The following ASB14 variants were observed in gnomAD, a reference collection of about 807,000 sequenced individuals.
ASB14 encodes ankyrin repeat and SOCS box containing 14, also known as ankyrin repeat and SOCS box protein 14.
A neutral mutation model predicts 55.6 loss-of-function variants in ASB14; 63 were observed. The observed-to-expected ratio is 1.13, with a 90% CI of 0.92 to 1.40. ASB14 has a LOEUF of 1.40. Among genes scored for constraint, ASB14 ranks in the 40% most tolerant of loss-of-function variants. The probability of loss-of-function intolerance (pLI) is 0.00; values close to 1 mark genes in which losing one functional copy is unlikely to be tolerated. For synonymous variants in ASB14, 256 were observed against 259.9 expected (o/e 0.98, Z 0.15); for missense variants, 724 against 710.4 (o/e 1.02, Z -0.22).
chr3:57,287,799 G>T, intron 5 of ASB14, 102 bp downstream of exon 5: 1 of 1,263,298 alleles, frequency 7.9e-7, no homozygotes, highest in Non-Finnish European at 1.1e-6. Context: ...TGGGAACAGA[G>T]TGACAGTGCT....
intron 3 of ASB14, among the ~76,000 whole-genome samples, chr3:57,288,581 A>G (rs1358384079): frequency 6.6e-6 from 1 of 152,064 alleles, no homozygotes; most frequent in Non-Finnish European, 1.5e-5. Context: ...AGAAAAGCCT[A>G]CATCAGACTC....
At position 57,283,127 on chromosome 3, in the gene ASB14, C is replaced by G. The variant is rs1339400304; in HGVS notation, c.715+67G>C. ...TAACTTTTATTATTTTGAAGCTCTCCATTAAGAGGAGAACCCCTGGATCAT... is the reference window on the plus strand; with the variant it reads ...TAACTTTTATTATTTTGAAGCTCTCGATTAAGAGGAGAACCCCTGGATCAT... On this transcript the variant is annotated intron_variant, in intron 6 of 10. Coordinates refer to ENST00000487349, the MANE Select transcript of ASB14 (RefSeq NM_001142733.3). 5 of 1,515,544 alleles carry G rather than the reference C, an allele frequency of 3.3e-6. No homozygotes were observed. The East Asian group carries it at 9.9e-5, about 30-fold the overall frequency. 93.9% of individuals were successfully genotyped at this position (1,515,544 alleles called of 1,614,324 possible).
rs1449691979 is a variant in ASB14 at position 57,288,259 on chromosome 3, GTT to G, written c.204_205del (p.Leu68PhefsTer9). On this transcript the variant is annotated frameshift_variant, in exon 4 of 11. Coordinates refer to ENST00000487349, the MANE Select transcript of ASB14 (RefSeq NM_001142733.3). LOFTEE classifies it high-confidence loss of function. ...TTCACCAAATGCGGAATGGTACTTG[GTT>G]AAGTGTGACAATGCATCTTCCTTAC... 1 of 1,537,084 alleles carries G rather than the reference GTT, an allele frequency of 6.5e-7. No individual in the cohort carries two copies. The highest frequency in any genetic ancestry group is 2.4e-5 in the East Asian group (1 of 40,924).
intron 5 of ASB14, among the ~76,000 whole-genome samples, chr3:57,286,468 A>G (rs1228524061): frequency 6.8e-6 from 1 of 146,072 alleles, no homozygotes; most frequent in Non-Finnish European, 1.6e-5. Context: ...TTCTGCATTT[A>G]TAGTATGAAC....
intron 5 of ASB14, among the ~76,000 whole-genome samples, chr3:57,283,855 AAAACAG>A: frequency 6.6e-6 from 1 of 152,004 alleles, no homozygotes. Flanking sequence ...AACAAAAACA[AAAACAG>A]AATCTACCCC....
chr3:57,287,979 C>G lies in ASB14; in HGVS notation c.391G>C (p.Glu131Gln), dbSNP rs1007724107. The change falls in exon 5 of 11, where the codon GAA becomes CAA. Residue 131 changes from glutamate to glutamine, a missense_variant. Glu to Gln is a conservative substitution (Grantham distance 29, BLOSUM62 2). Coordinates refer to ENST00000487349, the MANE Select transcript of ASB14 (RefSeq NM_001142733.3). ...TTGAGAAGAAGAAAAGTGGCATTTT[C>G]TAAGAGGCAACTGCTGACAGCCAAA... ...LFLAVSSCLLENATFLLLNGC... is the reference protein window; with the variant it reads ...LFLAVSSCLLQNATFLLLNGC... 2.6e-6 allele frequency: 4 copies of G among 1,537,168 alleles called. No individual in the cohort carries two copies. The African/African-American group carries it at 5.5e-5, about 21-fold the overall frequency.
At chr3:57,275,545 GTC>G (rs1302989422) in intron 10 of ASB14, among the ~76,000 whole-genome samples, 3 of 152,016 alleles carry the variant, frequency 2.0e-5, no homozygotes, top group East Asian at 3.9e-4. Flanking sequence ...ACATGATGAA[GTC>G]TCTCACCATC....
chr3:57,280,362 T>C lies in ASB14; in HGVS notation c.827A>G (p.Asn276Ser). 6.4e-7 allele frequency: 1 copy of C among 1,551,292 alleles called. No homozygotes were observed. Among genetic ancestry groups the C allele is most frequent in the East Asian group, 2.4e-5 (1 of 40,906 alleles). ...CAGGTGGCCTGAATTCTTAGGGATG[T>C]TGGCATCAGCTCCATACTCCAGCAA... ...ALLLEYGADA[N>S]IPKNSGHLPI... The change falls in exon 7 of 11, where the codon AAC becomes AGC. Residue 276 changes from asparagine (N) to serine (S), a missense_variant. Coordinates refer to ENST00000487349, the MANE Select transcript of ASB14 (RefSeq NM_001142733.3).
At chr3:57,290,955 G>T (rs967012312) in intron 2 of ASB14, among the ~76,000 whole-genome samples, 1 of 152,186 alleles carries the variant, frequency 6.6e-6, no homozygotes, top group African/African-American at 2.4e-5. Flanking sequence ...GAATCAGACT[G>T]CCTTGCTCTT....
chr3:57,287,750 G>A (rs1476355689), intron 5 of ASB14, 151 bp downstream of exon 5: 1 of 865,202 alleles, frequency 1.2e-6, no homozygotes, highest in East Asian at 2.7e-5. Context: ...GCCAGCCTAT[G>A]GAAAGCTTCT....
intron 3 of ASB14, among the ~76,000 whole-genome samples, chr3:57,288,611 C>T (rs1334532586): frequency 6.6e-6 from 1 of 151,884 alleles, no homozygotes; most frequent in Non-Finnish European, 1.5e-5. Context: ...AGCTGTGGAC[C>T]CCTGTAGTGT....
At chr3:57,278,285 T>C in intron 8 of ASB14, 92 bp downstream of exon 8, 3 of 992,120 alleles carry the variant, frequency 3.0e-6, no homozygotes, top group Non-Finnish European at 4.5e-6. Flanking sequence ...CAACCAAGCC[T>C]CTGGAGAGAG....
chr3:57,291,201 G>C (rs986761349), intron 2 of ASB14, among the ~76,000 whole-genome samples: 1 of 152,110 alleles, frequency 6.6e-6, no homozygotes, highest in Non-Finnish European at 1.5e-5. Context: ...TCTCTATTTA[G>C]TTATGAAATC....
intron 10 of ASB14, among the ~76,000 whole-genome samples, chr3:57,274,809 C>G (rs977278085): frequency 6.6e-6 from 1 of 152,168 alleles, no homozygotes; most frequent in East Asian, 1.9e-4. Context: ...AAACCATAAG[C>G]CATCATTCAT....
chr3:57,287,841 C>T, intron 5 of ASB14, 60 bp downstream of exon 5: 1 of 1,502,186 alleles, frequency 6.7e-7, no homozygotes, highest in Non-Finnish European at 8.9e-7. Context: ...CCTTTGAAAC[C>T]TGGGGGCATG....
chr3:57,289,701 T>C (rs1164468958), intron 2 of ASB14, among the ~76,000 whole-genome samples: 1 of 126,264 alleles, frequency 7.9e-6, no homozygotes, highest in African/African-American at 4.5e-5. Context: ...TTTTTTTTTT[T>C]TTTTTTTTTG....
rs1467121701 is a variant in ASB14 at position 57,276,476 on chromosome 3, A to G, written c.*22+52T>C. ...TTTTAGTTGGTGGGTAAAGCAAAAA[A>G]TATGAATCATACATAAGTGAAATTT... On this transcript the variant is annotated intron_variant, in intron 10 of 10. Coordinates refer to ENST00000487349, the MANE Select transcript of ASB14 (RefSeq NM_001142733.3). 3.6e-6 allele frequency: 5 copies of G among 1,371,052 alleles called. No individual in the cohort carries two copies. The African/African-American group carries it at 5.8e-5, about 16-fold the overall frequency. 84.9% of individuals were successfully genotyped at this position (1,371,052 alleles called of 1,614,324 possible).
At position 57,278,729 on chromosome 3, in the gene ASB14, A is replaced by G; in HGVS notation, c.1079T>C (p.Leu360Ser). 6.2e-7 allele frequency: 1 copy of G among 1,613,954 alleles called. No individual in the cohort carries two copies. Among genetic ancestry groups the G allele is most frequent in the Non-Finnish European group, 8.5e-7 (1 of 1,179,956 alleles). Residue 360 changes from leucine (L) to serine (S), a missense_variant, in exon 8 of 11, where the codon TTG becomes TCG. By Grantham distance (145) the Leu-to-Ser change is moderately radical (BLOSUM62 -2). Coordinates refer to ENST00000487349, the MANE Select transcript of ASB14 (RefSeq NM_001142733.3). The stretch of plus-strand genomic sequence containing the variant: ...GTCACTGTTTGATACAGCAAAATAC[A>G]AAGCTGACTTCCTGTGGTCATCGTA... ...KHYDDHRKSA[L>S]YFAVSNSDLS...
rs1353088708 is a variant in ASB14 at position 57,283,326 on chromosome 3, T to G, written c.583A>C (p.Arg195=). The G allele has an allele frequency of 1.3e-6, 2 of 1,551,810 alleles. No homozygotes were observed. The highest frequency in any genetic ancestry group is 2.4e-5 in the East Asian group (1 of 40,910). Residue 195 remains arginine (R), a synonymous_variant, in exon 6 of 11, where the codon AGA becomes CGA. Transcript: ENST00000487349. ...TALHEAAKLG[R]EDMVKLMLVS... Reference sequence around the variant, plus strand: ...AGCATAAGCTTCACCATGTCCTCTCTGCCCAGTTTGGCTGCTTCGTGGAGA... The same window carrying G: ...AGCATAAGCTTCACCATGTCCTCTCGGCCCAGTTTGGCTGCTTCGTGGAGA...
Sources: allele counts gnomAD v4.1 joint callset (sites outside exome capture counted in the v4.1 genomes callset), GRCh38; gene constraint gnomAD v4.1.1; transcripts MANE v1.5; gene names NCBI Gene and HGNC (gene_info 2026-07-23, HGNC 2026-07-21).